The following OR10K1 variants were observed in gnomAD, a reference collection of about 807,000 sequenced individuals.
OR10K1 encodes olfactory receptor 10K1.
For missense variants in OR10K1, 404 were observed against 373.3 expected (o/e 1.08, Z -0.68); for synonymous variants, 186 against 152.5 (o/e 1.22, Z -1.62).
At position 158,465,693 on chromosome 1, in the gene OR10K1, C is replaced by A. The variant is rs1656019198; in HGVS notation, c.132C>A (p.Ile44=). 6.2e-6 allele frequency: 10 copies of A among 1,614,198 alleles called. No homozygotes were observed. In the East Asian group the frequency reaches 1.6e-4, roughly 25 times the overall value. Residue 44 remains isoleucine, a synonymous_variant, in exon 2 of 2, where the codon ATC becomes ATA. Coordinates refer to ENST00000641535, the MANE Select transcript of OR10K1 (RefSeq NM_001004473.2). Reference sequence around the variant, plus strand: ...TGTTCACTCTGGGCACCAATGCAATCATCATTTCCACCATTGTGCTGGACA... The same window carrying A: ...TGTTCACTCTGGGCACCAATGCAATAATCATTTCCACCATTGTGCTGGACA... The part of the protein sequence containing the change: ...LYLFTLGTNA[I]IISTIVLDRA...
At position 158,466,077 on chromosome 1, in the gene OR10K1, C is replaced by T; in HGVS notation, c.516C>T (p.Asn172=). ...LVFHLPFHSS[N]QLHHFFCDIS... is the part of the protein sequence containing the mutation. ...TTCATCTGCCCTTCCACTCCTCCAA[C>T]CAGCTCCATCACTTCTTCTGTGACA... Residue 172 remains asparagine, a synonymous_variant, in exon 2 of 2, where the codon AAC becomes AAT. Coordinates refer to ENST00000641535, the MANE Select transcript of OR10K1 (RefSeq NM_001004473.2). 1 of 1,614,126 alleles carries T rather than the reference C, an allele frequency of 6.2e-7. No individual in the cohort carries two copies. Among genetic ancestry groups the T allele is most frequent in the East Asian group, 2.2e-5 (1 of 44,882 alleles).
chr1:158,466,832 A>T lies in OR10K1; in HGVS notation c.*329A>T, dbSNP rs975489072. On this transcript the variant is annotated 3_prime_UTR_variant, in exon 2 of 2. Coordinates refer to ENST00000641535, the MANE Select transcript of OR10K1 (RefSeq NM_001004473.2). ...CTGTGTCTTGAAGTAGAGAGCTTGGATACATCAGGAAAGAAAAGATGTATC... is the reference window on the plus strand; with the variant it reads ...CTGTGTCTTGAAGTAGAGAGCTTGGTTACATCAGGAAAGAAAAGATGTATC... 19 of 194,752 alleles carry T rather than the reference A, an allele frequency of 9.8e-5. No individual in the cohort carries two copies. The highest frequency in any genetic ancestry group is 1.9e-3 in the Middle Eastern group (1 of 522). The allele number at this position is 194,752 out of a possible 1,614,324, so 12.1% of individuals were successfully genotyped here.
Position 158,465,662 on chromosome 1 carries a change from T to C in OR10K1, c.101T>C (p.Leu34Pro). ...QQLLFVIFLL[L>P]YLFTLGTNAI... Reference sequence around the variant, plus strand: ...CTGCTCTTTGTTATCTTCCTGCTCCTCTACCTGTTCACTCTGGGCACCAAT... The same window carrying C: ...CTGCTCTTTGTTATCTTCCTGCTCCCCTACCTGTTCACTCTGGGCACCAAT... The change falls in exon 2 of 2, where the codon CTC becomes CCC. Residue 34 changes from leucine (L) to proline (P), a missense_variant. Transcript: ENST00000641535. The C allele has an allele frequency of 6.2e-7, 1 of 1,614,176 alleles. No individual in the cohort carries two copies. Among genetic ancestry groups the C allele is most frequent in the South Asian group, 1.1e-5 (1 of 91,078 alleles).
In OR10K1 at chr1:158,466,888, A is replaced by C. The variant is rs750197610; in HGVS notation, c.*385A>C. ...AAAAAAAAAGAAAGAAAAAAGAAAA[A>C]AAAAAGGAAAACAGCAGGAAATCCA... is the stretch of plus-strand genomic sequence containing the variant. On this transcript the variant is annotated 3_prime_UTR_variant, in exon 2 of 2. Coordinates refer to ENST00000641535, the MANE Select transcript of OR10K1 (RefSeq NM_001004473.2). The C allele has an allele frequency of 2.5e-5, 4 of 159,868 alleles. No individual in the cohort carries two copies. The highest frequency in any genetic ancestry group is 1.2e-4 in the Admixed American group (2 of 16,078). The allele number at this position is 159,868 out of a possible 1,614,324, so 9.9% of individuals were successfully genotyped here.
At position 158,466,362 on chromosome 1, in the gene OR10K1, T is replaced by G. The variant is rs754282463; in HGVS notation, c.801T>G (p.Thr267=). Residue 267 remains threonine, a synonymous_variant, in exon 2 of 2, where the codon ACT becomes ACG. Coordinates refer to ENST00000641535, the MANE Select transcript of OR10K1 (RefSeq NM_001004473.2). ...ACTTAAGGCCCAAGACTAATTACAC[T>G]TCAAGCCAAGACACCCTAATATCTG... The part of the protein sequence containing the change: ...FIYLRPKTNY[T]SSQDTLISVS... 2.5e-6 allele frequency: 4 copies of G among 1,613,894 alleles called. No individual in the cohort carries two copies. In the African/African-American group the frequency reaches 4.0e-5, roughly 16 times the overall value.
At chr1:158,464,088 T>C (rs1358622284) in intron 1 of OR10K1, among the ~76,000 whole-genome samples, 1 of 152,108 alleles carries the variant, frequency 6.6e-6, no homozygotes, top group South Asian at 2.1e-4. Flanking sequence ...AATGGAAAAG[T>C]AACAGCAACA....
rs1358701191 is a variant in OR10K1 at position 158,466,062 on chromosome 1, C to A, written c.501C>A (p.Pro167=). ...CCACCTCCCTAGTATTTCATCTGCC[C>A]TTCCACTCCTCCAACCAGCTCCATC... ...LVTTSLVFHL[P]FHSSNQLHHF... is the part of the protein sequence containing the mutation. Residue 167 remains proline, a synonymous_variant, in exon 2 of 2, where the codon CCC becomes CCA. Coordinates refer to ENST00000641535, the MANE Select transcript of OR10K1 (RefSeq NM_001004473.2). The A allele has an allele frequency of 2.5e-6, 4 of 1,614,112 alleles. No homozygotes were observed. The East Asian group carries it at 8.9e-5, about 36-fold the overall frequency.
rs4657080 is a variant in OR10K1, at chr1:158,466,509, T to C, written c.*6T>C. ...CTTTCTATCCTCTTAGTTAAAGAGC[T>C]ATTTTTTAAACTACTAATGCCTAGT... On this transcript the variant is annotated 3_prime_UTR_variant, in exon 2 of 2. Coordinates refer to ENST00000641535, the MANE Select transcript of OR10K1 (RefSeq NM_001004473.2). 0.61 allele frequency: 967,355 copies of C among 1,588,432 alleles called. 296,884 individuals carry two copies. Among genetic ancestry groups the C allele is most frequent in the African/African-American group, 0.66 (49,284 of 74,216 alleles).
At position 158,466,701 on chromosome 1, in the gene OR10K1, A is replaced by T. The variant is rs897079088; in HGVS notation, c.*198A>T. The T allele has an allele frequency of 1.9e-5, 11 of 581,268 alleles. No homozygotes were observed. In the Admixed American group the frequency reaches 2.6e-4, roughly 14 times the overall value. 36.0% of individuals were successfully genotyped at this position (581,268 alleles called of 1,614,324 possible). On this transcript the variant is annotated 3_prime_UTR_variant, in exon 2 of 2. Transcript: ENST00000641535. ...TTTAACAAGACTAATCAGATATGGG[A>T]ACAGAGCACACAGTTCCATAACAAA...
rs1557873203 is a variant in OR10K1 at position 158,466,893 on chromosome 1, A to AC, written c.*390_*391insC. ...AAAAGAAAGAAAAAAGAAAAAAAAAAGGAAAACAGCAGGAAATCCATCTAT... is the reference window on the plus strand; with the variant it reads ...AAAAGAAAGAAAAAAGAAAAAAAAAACGGAAAACAGCAGGAAATCCATCTAT... On this transcript the variant is annotated 3_prime_UTR_variant, in exon 2 of 2. Transcript: ENST00000641535. 6.2e-6 allele frequency: 1 copy of AC among 160,042 alleles called. No homozygotes were observed. Among genetic ancestry groups the AC allele is most frequent in the East Asian group, 1.9e-4 (1 of 5,386 alleles). The allele number at this position is 160,042 out of a possible 1,614,324, so 9.9% of individuals were successfully genotyped here. A position where few individuals can be genotyped will look rare whatever the true frequency, so the allele number is the denominator to read the frequency against.
rs143219550 is a variant in OR10K1 at position 158,466,338 on chromosome 1, C to T, written c.777C>T (p.Tyr259=). 5.6e-5 allele frequency: 90 copies of T among 1,614,110 alleles called. 1 individual carries two copies. The Middle Eastern group carries it at 4.5e-3, about 80-fold the overall frequency. ...ACTACAGTTGTGCCTCTTTCATCTA[C>T]TTAAGGCCCAAGACTAATTACACTT... The part of the protein sequence containing the change: ...TVHYSCASFI[Y]LRPKTNYTSS... Residue 259 remains tyrosine (Y), a synonymous_variant, in exon 2 of 2, where the codon TAC becomes TAT. Coordinates refer to ENST00000641535, the MANE Select transcript of OR10K1 (RefSeq NM_001004473.2).
intron 1 of OR10K1, among the ~76,000 whole-genome samples, chr1:158,464,368 T>C (rs1445682377): frequency 2.0e-5 from 3 of 152,124 alleles, no homozygotes; most frequent in Non-Finnish European, 2.9e-5. Context: ...CATAACAACA[T>C]ACAAAAGATA....
rs770937428 is a variant in OR10K1 at position 158,465,595 on chromosome 1, T to C, written c.34T>C (p.Phe12Leu). The change falls in exon 2 of 2, where the codon TTC becomes CTC. Residue 12 changes from phenylalanine to leucine, a missense_variant. Physicochemically the swap from Phe to Leu is conservative, Grantham distance 22. Coordinates refer to ENST00000641535, the MANE Select transcript of OR10K1 (RefSeq NM_001004473.2). ...AGTCAATAAGACTGTGGTGAGAGAG[T>C]TCGTCGTCCTCGGCTTCTCATCCCT... ...EQVNKTVVREFVVLGFSSLAR... is the reference protein window; with the variant it reads ...EQVNKTVVRELVVLGFSSLAR... 1 of 1,613,928 alleles carries C rather than the reference T, an allele frequency of 6.2e-7. No individual in the cohort carries two copies. The highest frequency in any genetic ancestry group is 8.5e-7 in the Non-Finnish European group (1 of 1,180,016).
chr1:158,467,334 A>G lies in OR10K1; in HGVS notation c.*831A>G, dbSNP rs1404649102. The G allele has an allele frequency of 1.3e-5, 2 of 152,172 alleles. No individual in the cohort carries two copies. The highest frequency in any genetic ancestry group is 2.1e-4 in the South Asian group (1 of 4,824). The allele number at this position is 152,172 out of a possible 1,614,324, so 9.4% of individuals were successfully genotyped here. On this transcript the variant is annotated 3_prime_UTR_variant, in exon 2 of 2. Coordinates refer to ENST00000641535, the MANE Select transcript of OR10K1 (RefSeq NM_001004473.2). ...CCAGTGACTCCCTTTGCCCTACAAG[A>G]TAATGCCAAGGGTCCTTCATTGTCA...
rs1249409184 is a variant in OR10K1 at position 158,466,444 on chromosome 1, A to G, written c.883A>G (p.Lys295Glu). 14 of 1,614,090 alleles carry G rather than the reference A, an allele frequency of 8.7e-6. No individual in the cohort carries two copies. Among genetic ancestry groups the G allele is most frequent in the Non-Finnish European group, 1.1e-5 (13 of 1,179,958 alleles). Residue 295 changes from lysine to glutamate, a missense_variant, in exon 2 of 2, where the codon AAG (lysine) becomes GAG (glutamate). Coordinates refer to ENST00000641535, the MANE Select transcript of OR10K1 (RefSeq NM_001004473.2). The part of the protein sequence containing the change: ...FNPMIYSLRN[K>E]EFKSALRRTI... ...TCCAATGATTTATAGTCTGAGAAAT[A>G]AGGAATTCAAATCAGCCCTACGAAG...
At chr1:158,462,273 CCTT>C (rs138570489) in intron 1 of OR10K1, among the ~76,000 whole-genome samples, 10,455 of 131,492 alleles carry the variant, frequency 0.08, 519 homozygotes, top group Middle Eastern at 0.16. Flanking sequence ...GAGTGAGACT[CCTT>C]CTGAAAAAAA....
At chr1:158,462,499 C>T (rs557220367) in intron 1 of OR10K1, among the ~76,000 whole-genome samples, 1 of 151,436 alleles carries the variant, frequency 6.6e-6, no homozygotes, top group East Asian at 1.9e-4. Context: ...CCACTTGTCT[C>T]TCATCTCTCA....
chr1:158,466,751 A>G lies in OR10K1; in HGVS notation c.*248A>G. On this transcript the variant is annotated 3_prime_UTR_variant, in exon 2 of 2. Coordinates refer to ENST00000641535, the MANE Select transcript of OR10K1 (RefSeq NM_001004473.2). ...ATTTAATTATATTTTACTGCTTTAA[A>G]TATTGCTAATTTAAAAACTAATATG... 2.2e-6 allele frequency: 1 copy of G among 461,230 alleles called. No homozygotes were observed. The highest frequency in any genetic ancestry group is 3.8e-6 in the Non-Finnish European group (1 of 261,614). The allele number at this position is 461,230 out of a possible 1,614,324, so 28.6% of individuals were successfully genotyped here. A position where few individuals can be genotyped will look rare whatever the true frequency, so the allele number is the denominator to read the frequency against.
intron 1 of OR10K1, among the ~76,000 whole-genome samples, chr1:158,463,134 A>AC (rs67852243): frequency 3.3e-5 from 5 of 151,962 alleles, no homozygotes; most frequent in South Asian, 2.1e-4. Context: ...TAAAAAAAAA[A>AC]CTAAATATTG....
Sources: allele counts gnomAD v4.1 joint callset (sites outside exome capture counted in the v4.1 genomes callset), GRCh38; gene constraint gnomAD v4.1.1; transcripts MANE v1.5; gene names NCBI Gene and HGNC (gene_info 2026-07-23, HGNC 2026-07-21).